FRAS1: variants seen among roughly 807,000 people sequenced by gnomAD.
FRAS1 encodes the protein extracellular matrix organizing protein FRAS1.
FRAS1 carries 290 observed loss-of-function variants against 435.2 expected under a neutral mutation model. That is an observed-to-expected ratio of 0.67 (90% confidence interval 0.61 to 0.73). The LOEUF (loss-of-function observed/expected upper bound fraction) is 0.73, where lower values mean the gene tolerates loss of function less well. FRAS1 is among the 30% of genes least tolerant of loss of function. The pLI is 0.00. For synonymous variants in FRAS1, 1,800 were observed against 1,851.0 expected (o/e 0.97, Z 0.71); for missense variants, 4,860 against 5,001.5 (o/e 0.97, Z 0.85).
chr4:78,393,482 T>C (rs11721347), intron 29 of FRAS1, among the ~76,000 whole-genome samples: 15,010 of 152,058 alleles, frequency 0.099, 774 homozygotes, highest in African/African-American at 0.11. Flanking sequence ...ACTATCTGCT[T>C]TTATGAGTTT....
chr4:78,428,955 G>T lies in FRAS1; in HGVS notation c.4712-140G>T, dbSNP rs80095142. The T allele has an allele frequency of 6.6e-3, 4,669 of 708,008 alleles. 156 individuals are homozygous for T. In the African/African-American group the frequency reaches 0.071, roughly 11 times the overall value. 43.9% of individuals were successfully genotyped at this position (708,008 alleles called of 1,614,324 possible). A position where few individuals can be genotyped will look rare whatever the true frequency, so the allele number is the denominator to read the frequency against. ...TGTAAGCATCTCTTCAAAGGTTAAA[G>T]TAGTGCAAAAAAGTTTCTAGCTACA... On this transcript the variant is annotated intron_variant, in intron 35 of 73. Coordinates refer to ENST00000512123, the MANE Select transcript of FRAS1 (RefSeq NM_025074.7).
chr4:78,478,148 C>A, intron 55 of FRAS1, 87 bp downstream of exon 55: 1 of 1,374,176 alleles, frequency 7.3e-7, no homozygotes, highest in Non-Finnish European at 9.8e-7. Context: ...TCATCTCATG[C>A]ATTATCTTAA....
At chr4:78,149,099 C>T (rs1313491414) in intron 2 of FRAS1, among the ~76,000 whole-genome samples, 1 of 151,996 alleles carries the variant, frequency 6.6e-6, no homozygotes, top group Non-Finnish European at 1.5e-5. Flanking sequence ...TGTATTTTGG[C>T]TTTCCCCACA....
chr4:78,494,896 G>A lies in FRAS1; in HGVS notation c.8959-1909G>A, dbSNP rs528397678. ...CAAAATCAATTTTGATAAACTACAG[G>A]ACCTGCATATACCTAATTTGAAAAA... On this transcript the variant is annotated intron_variant, in intron 59 of 73. Coordinates refer to ENST00000512123, the MANE Select transcript of FRAS1 (RefSeq NM_025074.7). Among the ~76,000 whole-genome samples the A allele has an allele frequency of 3.9e-5, 6 of 152,156 alleles. No homozygotes were observed. In the South Asian group the frequency reaches 1.2e-3, roughly 32 times the overall value.
intron 2 of FRAS1, among the ~76,000 whole-genome samples, chr4:78,100,788 A>G (rs775748081): frequency 7.2e-5 from 11 of 152,166 alleles, no homozygotes; most frequent in Non-Finnish European, 5.9e-5. Context: ...GCTTACAAAC[A>G]TCTTTGAGGT....
At position 78,430,307 on chromosome 4, in the gene FRAS1, T is replaced by A. The variant is rs748463259; in HGVS notation, c.4859T>A (p.Val1620Glu). 10 of 1,613,836 alleles carry A rather than the reference T, an allele frequency of 6.2e-6. No homozygotes were observed. In the East Asian group the frequency reaches 2.2e-4, roughly 36 times the overall value. Residue 1620 changes from valine (V) to glutamate (E), a missense_variant, in exon 37 of 74, where the codon GTA becomes GAA. By Grantham distance (121) the Val-to-Glu change is moderately radical (BLOSUM62 -2). Transcript: ENST00000512123. Reference protein sequence around the residue: ...GSTSVGLQVVVRDAETAPKEL... With the variant: ...GSTSVGLQVVERDAETAPKEL... ...CTTGCTGCAGGACTTCAGGTGGTAG[T>A]AAGAGATGCTGAGACAGCGCCCAAA...
chr4:78,168,918 GT>G (rs1240850080), intron 2 of FRAS1, among the ~76,000 whole-genome samples: 3 of 152,092 alleles, frequency 2.0e-5, no homozygotes, highest in Non-Finnish European at 4.4e-5. Context: ...AGGGTGCTTT[GT>G]GTGCAAGATG....
At chr4:78,065,159 A>G (rs1739966565) in intron 1 of FRAS1, among the ~76,000 whole-genome samples, 1 of 146,284 alleles carries the variant, frequency 6.8e-6, no homozygotes, top group South Asian at 2.1e-4. Context: ...TATAGTATAT[A>G]GTGGGTATAT....
intron 2 of FRAS1, among the ~76,000 whole-genome samples, chr4:78,193,548 T>C (rs1722650630): frequency 6.6e-6 from 1 of 152,202 alleles, no homozygotes; most frequent in African/African-American, 2.4e-5. Flanking sequence ...TCTCTTTTGA[T>C]CTTTCTTGGT....
At chr4:78,125,476 G>A (rs1443404940) in intron 2 of FRAS1, among the ~76,000 whole-genome samples, 1 of 152,238 alleles carries the variant, frequency 6.6e-6, no homozygotes, top group Non-Finnish European at 1.5e-5. Flanking sequence ...TTGATTTGGG[G>A]TGGAGAGTTC....
At chr4:78,374,323 G>A in intron 25 of FRAS1, 72 bp downstream of exon 25, 2 of 1,403,892 alleles carry the variant, frequency 1.4e-6, no homozygotes, top group Non-Finnish European at 1.9e-6. Flanking sequence ...CTGACTCTCA[G>A]GTATCCAAGA....
intron 2 of FRAS1, among the ~76,000 whole-genome samples, chr4:78,118,412 C>T (rs903267310): frequency 3.9e-5 from 6 of 152,206 alleles, no homozygotes; most frequent in Admixed American, 2.6e-4. Context: ...TGGCTTTTGG[C>T]TATGACCTGC....
At chr4:78,313,986 T>C (rs1560648200) in intron 15 of FRAS1, among the ~76,000 whole-genome samples, 2 of 152,226 alleles carry the variant, frequency 1.3e-5, no homozygotes, top group Admixed American at 6.5e-5. Flanking sequence ...GCACCTGTCA[T>C]GACTTTCTTT....
intron 57 of FRAS1, 51 bp downstream of exon 57, chr4:78,482,015 A>C: frequency 6.4e-7 from 1 of 1,573,604 alleles, no homozygotes; most frequent in Admixed American, 1.9e-5. Flanking sequence ...CGGTTTGTGA[A>C]TGTTGTCTTT....
Position 78,446,738 on chromosome 4 carries a change from T to C in FRAS1, c.5868T>C (p.Asp1956=). Reference sequence around the variant, plus strand: ...TATGCTTTAATCAGAGGAAGAACGATGAGCCTCCCAGGATGACCTTGCAGC... The same window carrying C: ...TATGCTTTAATCAGAGGAAGAACGACGAGCCTCCCAGGATGACCTTGCAGC... The part of the protein sequence containing the change: ...SINITIERKN[D]EPPRMTLQPL... The change falls in exon 43 of 74, where the codon GAT becomes GAC. Residue 1956 remains aspartate (D), a synonymous_variant. Coordinates refer to ENST00000512123, the MANE Select transcript of FRAS1 (RefSeq NM_025074.7). 1 of 1,612,878 alleles carries C rather than the reference T, an allele frequency of 6.2e-7. No homozygotes were observed. The highest frequency in any genetic ancestry group is 8.5e-7 in the Non-Finnish European group (1 of 1,179,524).
chr4:78,205,493 C>T (rs1309396977), intron 2 of FRAS1, among the ~76,000 whole-genome samples: 1 of 152,140 alleles, frequency 6.6e-6, no homozygotes, highest in Non-Finnish European at 1.5e-5. Context: ...TGCGTCCAGC[C>T]TAGACTCTTT....
At chr4:78,319,348 T>G (rs1253109071) in intron 18 of FRAS1, 1 of 462,014 alleles carries the variant, frequency 2.2e-6, no homozygotes, top group Admixed American at 2.3e-5. Context: ...GAATATGAAT[T>G]GGTCCCTTCA....
intron 20 of FRAS1, among the ~76,000 whole-genome samples, chr4:78,359,885 G>T (rs1731008870): frequency 6.6e-6 from 1 of 152,074 alleles, no homozygotes; most frequent in African/African-American, 2.4e-5. Flanking sequence ...TATATGTTTG[G>T]GGACTGATCT....
intron 20 of FRAS1, among the ~76,000 whole-genome samples, chr4:78,338,616 G>A (rs937777885): frequency 6.6e-6 from 1 of 152,198 alleles, no homozygotes; most frequent in African/African-American, 2.4e-5. Flanking sequence ...CTGAACTGGG[G>A]AGATCCTGGG....
Sources: gnomAD v4.1 joint callset for allele counts (sites outside exome capture counted in the v4.1 genomes callset) on GRCh38, gnomAD v4.1.1 for gene constraint, MANE v1.5 for transcripts, NCBI Gene and HGNC (gene_info 2026-07-23, HGNC 2026-07-21) for gene names.